MINK1: variants seen among roughly 807,000 people sequenced by gnomAD.
The protein encoded by MINK1 is misshapen-like kinase 1.
A neutral mutation model predicts 178.4 loss-of-function variants in MINK1; 46 were observed. The observed-to-expected ratio is 0.26, with a 90% CI of 0.20 to 0.33. MINK1 has a LOEUF of 0.33. MINK1 is among the 10% of genes least tolerant of loss of function. The probability of loss-of-function intolerance (pLI) is 1.00; values close to 1 mark genes in which losing one functional copy is unlikely to be tolerated. For missense variants in MINK1, 1,366 were observed against 1,814.9 expected (o/e 0.75, Z 4.49); for synonymous variants, 797 against 709.7 (o/e 1.12, Z -1.96).
At chr17:4,858,680 T>C (rs965449993) in intron 1 of MINK1, among the ~76,000 whole-genome samples, 6 of 152,050 alleles carry the variant, frequency 3.9e-5, no homozygotes, top group African/African-American at 1.4e-4. Flanking sequence ...TTTCACCATG[T>C]TGGCCAGACT....
intron 1 of MINK1, among the ~76,000 whole-genome samples, chr17:4,842,142 T>C (rs1299619133): frequency 6.7e-6 from 1 of 150,084 alleles, no homozygotes; most frequent in Non-Finnish European, 1.5e-5. Flanking sequence ...GAGAATGGCA[T>C]GAACCCGGGA....
At chr17:4,863,780 C>CT in intron 1 of MINK1, among the ~76,000 whole-genome samples, 1 of 148,910 alleles carries the variant, frequency 6.7e-6, no homozygotes, top group South Asian at 2.1e-4. Flanking sequence ...CTAGCTGTCT[C>CT]ATTATTATTA....
chr17:4,897,761 C>T lies in MINK1; in HGVS notation c.*474C>T, dbSNP rs1054172828. ...CACCAGCCACTCCAGGGGCAGGGACCATTTCTTCATTTTCTGAAAGCACTT... is the reference window on the plus strand; with the variant it reads ...CACCAGCCACTCCAGGGGCAGGGACTATTTCTTCATTTTCTGAAAGCACTT... On this transcript the variant is annotated 3_prime_UTR_variant, in exon 32 of 32. Coordinates refer to ENST00000355280, the MANE Select transcript of MINK1 (RefSeq NM_153827.5). The T allele has an allele frequency of 6.5e-6, 1 of 153,470 alleles. No individual in the cohort carries two copies. Among genetic ancestry groups the T allele is most frequent in the Non-Finnish European group, 1.5e-5 (1 of 68,810 alleles). The allele number at this position is 153,470 out of a possible 1,614,324, so 9.5% of individuals were successfully genotyped here.
chr17:4,848,661 C>T (rs765702915), intron 1 of MINK1, among the ~76,000 whole-genome samples: 1 of 151,302 alleles, frequency 6.6e-6, no homozygotes, highest in Non-Finnish European at 1.5e-5. Context: ...CGCCTGGCCT[C>T]GTTTTTGTAT....
Position 4,885,343 on chromosome 17 carries a change from G to A in MINK1, c.509-140G>A. 3.7e-6 allele frequency: 4 copies of A among 1,094,130 alleles called. No individual in the cohort carries two copies. Among genetic ancestry groups the A allele is most frequent in the Non-Finnish European group, 3.9e-6 (3 of 759,904 alleles). The allele number at this position is 1,094,130 out of a possible 1,614,324, so 67.8% of individuals were successfully genotyped here. A position where few individuals can be genotyped will look rare whatever the true frequency, so the allele number is the denominator to read the frequency against. On this transcript the variant is annotated intron_variant, in intron 6 of 31. Coordinates refer to ENST00000355280, the MANE Select transcript of MINK1 (RefSeq NM_153827.5). This position sits in a 1 kb window ranked among gnomAD's most constrained non-coding sequence, Gnocchi z 5.0. Reference sequence around the variant, plus strand: ...ATCGGGTTCTTCAGGATGGTGGTGGGGTAAAGGAGGGTGCTGGGGTGTCTG... The same window carrying A: ...ATCGGGTTCTTCAGGATGGTGGTGGAGTAAAGGAGGGTGCTGGGGTGTCTG...
chr17:4,891,421 G>A (rs767102222), intron 15 of MINK1, 35 bp from the exon 16 acceptor site: 46 of 1,523,330 alleles, frequency 3.0e-5, no homozygotes, highest in Non-Finnish European at 4.0e-5. Context: ...GTGCCATGGA[G>A]CAGGCAGCCC....
At chr17:4,877,380 C>A (rs1176454356) in intron 1 of MINK1, among the ~76,000 whole-genome samples, 1 of 152,122 alleles carries the variant, frequency 6.6e-6, no homozygotes, top group South Asian at 2.1e-4. Flanking sequence ...ACAGAAAGTT[C>A]TCCCTTCTCA....
chr17:4,894,869 C>T lies in MINK1; in HGVS notation c.2918-206C>T, dbSNP rs1969284594. The T allele has an allele frequency of 1.5e-6, 1 of 665,220 alleles. No individual in the cohort carries two copies. The highest frequency in any genetic ancestry group is 2.9e-5 in the Admixed American group (1 of 34,368). 41.2% of individuals were successfully genotyped at this position (665,220 alleles called of 1,614,324 possible). ...GACCTGGGCAAAGACTCAAAGCTAA[C>T]AAGTGACAGAAATGGGACTTGAGCC... On this transcript the variant is annotated intron_variant, in intron 24 of 31. Transcript: ENST00000355280. The surrounding 1 kb of genome is among the most constrained non-coding windows in gnomAD (Gnocchi z 4.1).
intron 1 of MINK1, among the ~76,000 whole-genome samples, chr17:4,843,062 C>T (rs540101832): frequency 1.3e-5 from 2 of 152,260 alleles, no homozygotes; most frequent in African/African-American, 4.8e-5. Context: ...CCTTGGGTAG[C>T]TAAGGTTTGG....
At chr17:4,883,229 G>A (rs1336554739) in intron 4 of MINK1, 1 of 147,522 alleles carries the variant, frequency 6.8e-6, no homozygotes, top group Non-Finnish European at 1.5e-5. Flanking sequence ...TTTTGAGACA[G>A]AGTCTTGCTC....
intron 13 of MINK1, 155 bp from the exon 14 acceptor site, chr17:4,890,362 G>A: frequency 7.0e-7 from 1 of 1,433,502 alleles, no homozygotes. Context: ...CTTCTTTGCT[G>A]GAACGGGATG....
At chr17:4,842,793 C>T (rs1910452374) in intron 1 of MINK1, among the ~76,000 whole-genome samples, 1 of 152,204 alleles carries the variant, frequency 6.6e-6, no homozygotes, top group South Asian at 2.1e-4. Flanking sequence ...GCCAGCACAT[C>T]GTCTCTTCTC....
intron 2 of MINK1, 52 bp from the exon 3 acceptor site, chr17:4,880,932 C>T (rs1014702329): frequency 1.3e-5 from 19 of 1,434,730 alleles, no homozygotes; most frequent in South Asian, 2.9e-5. Flanking sequence ...AGAGTCAAGC[C>T]CTCTCTACGC....
chr17:4,845,353 A>G (rs534589761), intron 1 of MINK1, among the ~76,000 whole-genome samples: 8 of 152,286 alleles, frequency 5.3e-5, no homozygotes, highest in African/African-American at 1.7e-4. Flanking sequence ...TGGTTCTGCT[A>G]TGCTCATGTT....
rs1371373504 is a variant in MINK1, at chr17:4,889,723, T to C, written c.1307T>C (p.Leu436Pro). ...CGGCGGCTGGAGGACATGCAGGCTC[T>C]GCGGCGGGAGGAGGAGCGGCGGCAG... ...QQRRLEDMQALRREEERRQAE... is the reference protein window; with the variant it reads ...QQRRLEDMQAPRREEERRQAE... Residue 436 changes from leucine (L) to proline (P), a missense_variant, in exon 13 of 32, where the codon CTG becomes CCG. Around this residue, in one of 14 missense-constraint regions of MINK1, gnomAD observed 87 missense variants for 78.9 expected, o/e 1.10. Coordinates refer to ENST00000355280, the MANE Select transcript of MINK1 (RefSeq NM_153827.5). The C allele has an allele frequency of 2.6e-6, 4 of 1,551,458 alleles. No homozygotes were observed. The highest frequency in any genetic ancestry group is 1.2e-5 in the South Asian group (1 of 84,532).
chr17:4,858,298 G>C (rs916695613), intron 1 of MINK1, among the ~76,000 whole-genome samples: 3 of 151,910 alleles, frequency 2.0e-5, no homozygotes, highest in South Asian at 2.1e-4. Flanking sequence ...ATCTGGGAGG[G>C]GGGAGGGCCT....
chr17:4,887,939 G>C lies in MINK1; in HGVS notation c.1230+149G>C, dbSNP rs182866687. ...TATATGATTTCAAATTTCATGATGAGCTGGACTTAACACAAAATGTAATCC... is the reference window on the plus strand; with the variant it reads ...TATATGATTTCAAATTTCATGATGACCTGGACTTAACACAAAATGTAATCC... On this transcript the variant is annotated intron_variant, in intron 12 of 31. Transcript: ENST00000355280. This position sits in a 1 kb window ranked among gnomAD's most constrained non-coding sequence, Gnocchi z 7.6. 3 of 713,706 alleles carry C rather than the reference G, an allele frequency of 4.2e-6. No individual in the cohort carries two copies. The Admixed American group carries it at 1.1e-4, about 26-fold the overall frequency. The allele number at this position is 713,706 out of a possible 1,614,324, so 44.2% of individuals were successfully genotyped here. A position where few individuals can be genotyped will look rare whatever the true frequency, so the allele number is the denominator to read the frequency against.
chr17:4,837,287 A>G (rs1371873716), intron 1 of MINK1, among the ~76,000 whole-genome samples: 2 of 152,260 alleles, frequency 1.3e-5, no homozygotes, highest in Non-Finnish European at 2.9e-5. Context: ...TGTTTTGCAC[A>G]TAATGGGGGC....
At chr17:4,868,143 A>AT (rs1915322166) in intron 1 of MINK1, among the ~76,000 whole-genome samples, 1 of 151,802 alleles carries the variant, frequency 6.6e-6, no homozygotes, top group African/African-American at 2.4e-5. Context: ...CGCCCAGCTA[A>AT]TTTTTGTATT....
Sources: gnomAD v4.1 joint callset for allele counts (sites outside exome capture counted in the v4.1 genomes callset) on GRCh38, gnomAD v4.1.1 for gene constraint, gnomAD v4.1.1 regional missense constraint, Gnocchi (gnomAD v3.1) non-coding constraint, MANE v1.5 for transcripts, NCBI Gene and HGNC (gene_info 2026-07-23, HGNC 2026-07-21) for gene names.